SPIDR: variants seen among roughly 807,000 people sequenced by gnomAD.
The protein encoded by SPIDR is scaffold protein involved in DNA repair.
A neutral mutation model predicts 104.6 loss-of-function variants in SPIDR; 93 were observed. The ratio of observed to expected loss-of-function variants is 0.89; its 90% confidence interval spans 0.75 to 1.06. The LOEUF (loss-of-function observed/expected upper bound fraction) is 1.06, where lower values mean the gene tolerates loss of function less well. Ranked by LOEUF, SPIDR falls within the 50% of genes least tolerant of loss-of-function variation. SPIDR has a pLI of 0.00. For synonymous variants in SPIDR, 431 were observed against 416.9 expected (o/e 1.03, Z -0.41); for missense variants, 1,154 against 1,111.2 (o/e 1.04, Z -0.55).
At chr8:47,703,026 C>G (rs1026540435) in intron 14 of SPIDR, among the ~76,000 whole-genome samples, 2 of 152,194 alleles carry the variant, frequency 1.3e-5, no homozygotes, top group Admixed American at 6.5e-5. Flanking sequence ...CAGGGGCTGT[C>G]TTCTAATCAT....
intron 8 of SPIDR, chr8:47,511,119 A>C: frequency 6.6e-7 from 1 of 1,506,238 alleles, no homozygotes; most frequent in Non-Finnish European, 9.2e-7. Flanking sequence ...TGTTTGGGAA[A>C]GTAGTCATGA....
intron 7 of SPIDR, among the ~76,000 whole-genome samples, chr8:47,429,270 C>T (rs1432856982): frequency 2.6e-5 from 4 of 152,136 alleles, no homozygotes; most frequent in African/African-American, 9.7e-5. Flanking sequence ...TAATACCATA[C>T]CATACCTGTA....
chr8:47,630,242 A>G (rs1016488818), intron 10 of SPIDR, among the ~76,000 whole-genome samples: 7 of 152,248 alleles, frequency 4.6e-5, no homozygotes, highest in Admixed American at 2.0e-4. Flanking sequence ...AAGAAGGAAT[A>G]CTGGGGAAAA....
upstream of SPIDR, chr8:47,260,919 CGCGCTGAGGAGGCGGT>C: frequency 2.5e-6 from 3 of 1,219,174 alleles, no homozygotes; most frequent in Non-Finnish European, 2.0e-6. Context: ...GGGACGGCGG[CGCGCTGAGGAGGCGGT>C]GCGCTCAGGC....
chr8:47,454,068 G>A (rs1424653243), intron 8 of SPIDR, among the ~76,000 whole-genome samples: 2 of 152,304 alleles, frequency 1.3e-5, no homozygotes, highest in East Asian at 1.9e-4. Context: ...AGACAGTGCA[G>A]CAATTCCTCA....
At chr8:47,660,437 T>C in intron 10 of SPIDR, 1 of 985,458 alleles carries the variant, frequency 1.0e-6, no homozygotes, top group African/African-American at 1.7e-5. Flanking sequence ...TCTTCCAACA[T>C]GGTCCAGGCC....
chr8:47,662,792 G>A (rs2074328540), intron 10 of SPIDR, among the ~76,000 whole-genome samples: 1 of 152,172 alleles, frequency 6.6e-6, no homozygotes, highest in Non-Finnish European at 1.5e-5. Flanking sequence ...AAGGTATTAG[G>A]GGGTGGGGCC....
chr8:47,388,577 G>A (rs564102602), intron 5 of SPIDR: 4 of 154,174 alleles, frequency 2.6e-5, no homozygotes, highest in East Asian at 3.9e-4. Flanking sequence ...CAGACTCTAC[G>A]TCAGTTCAAA....
At chr8:47,684,126 CAAAAAAAAAA>C (rs748328609) in intron 11 of SPIDR, among the ~76,000 whole-genome samples, 2 of 38,148 alleles carry the variant, frequency 5.2e-5, no homozygotes, top group South Asian at 1.2e-3. Flanking sequence ...GACTCTGTCT[CAAAAAAAAAA>C]AAAAAAAAAA....
intron 8 of SPIDR, among the ~76,000 whole-genome samples, chr8:47,487,313 A>G (rs1217734297): frequency 2.6e-5 from 4 of 152,316 alleles, no homozygotes; most frequent in Middle Eastern, 6.8e-3. Context: ...AACTAACCTA[A>G]ATATATATGC....
chr8:47,464,723 G>A (rs1029065483), intron 8 of SPIDR, among the ~76,000 whole-genome samples: 27 of 151,092 alleles, frequency 1.8e-4, no homozygotes, highest in Admixed American at 1.3e-4. Flanking sequence ...ATCCCATCCC[G>A]TCCTTGCCTC....
chr8:47,674,906 G>A (rs2076229759), intron 11 of SPIDR, among the ~76,000 whole-genome samples: 1 of 152,204 alleles, frequency 6.6e-6, no homozygotes, highest in Non-Finnish European at 1.5e-5. Flanking sequence ...CTCTGCCCAA[G>A]AGCTTGTTTT....
intron 8 of SPIDR, among the ~76,000 whole-genome samples, chr8:47,544,752 C>T (rs907147474): frequency 1.3e-5 from 2 of 152,210 alleles, no homozygotes; most frequent in African/African-American, 4.8e-5. Flanking sequence ...CTTGAAATCA[C>T]GTTCATAGCA....
At chr8:47,506,156 CA>C (rs2081445248) in intron 8 of SPIDR, among the ~76,000 whole-genome samples, 1 of 152,186 alleles carries the variant, frequency 6.6e-6, no homozygotes, top group Non-Finnish European at 1.5e-5. Flanking sequence ...GCTTTCTAAG[CA>C]GAACATGTTT....
chr8:47,604,072 T>G (rs1002639768), intron 10 of SPIDR, among the ~76,000 whole-genome samples: 3 of 151,880 alleles, frequency 2.0e-5, no homozygotes, highest in African/African-American at 7.3e-5. Context: ...TAGTGGGAGA[T>G]CCCACACAAA....
chr8:47,611,995 G>A (rs1433509460), intron 10 of SPIDR, among the ~76,000 whole-genome samples: 2 of 152,122 alleles, frequency 1.3e-5, no homozygotes, highest in South Asian at 2.1e-4. Context: ...CCTTCCACAC[G>A]TACCTGGCCT....
At chr8:47,411,238 G>A (rs1448995536) in intron 7 of SPIDR, among the ~76,000 whole-genome samples, 3 of 152,280 alleles carry the variant, frequency 2.0e-5, no homozygotes, top group African/African-American at 7.2e-5. Flanking sequence ...TCGCCACACT[G>A]ACTTCCACAA....
At chr8:47,277,666 CCT>C (rs1157764254) in intron 1 of SPIDR, among the ~76,000 whole-genome samples, 2 of 147,852 alleles carry the variant, frequency 1.4e-5, no homozygotes, top group Non-Finnish European at 3.0e-5. Context: ...CTGTGTTTAA[CCT>C]CTTTTTTTTT....
intron 10 of SPIDR, among the ~76,000 whole-genome samples, chr8:47,608,185 A>G (rs2063193787): frequency 6.6e-6 from 1 of 152,184 alleles, no homozygotes; most frequent in Non-Finnish European, 1.5e-5. Context: ...GATACTTCAT[A>G]TACATAAAAT....
Sources: allele counts gnomAD v4.1 joint callset (sites outside exome capture counted in the v4.1 genomes callset), GRCh38; gene constraint gnomAD v4.1.1; transcripts MANE v1.5; gene names NCBI Gene and HGNC (gene_info 2026-07-23, HGNC 2026-07-21).